Variants in USP50 observed in about 807,000 individuals in gnomAD.
The protein encoded by USP50 is ubiquitin carboxyl-terminal hydrolase 50.
A neutral mutation model predicts 39.2 loss-of-function variants in USP50; 37 were observed. The observed-to-expected ratio is 0.94, with a 90% CI of 0.73 to 1.24. USP50 has a LOEUF of 1.24. Among genes scored for constraint, USP50 ranks in the 50% most tolerant of loss-of-function variants. The pLI is 0.00. For synonymous variants in USP50, 139 were observed against 144.5 expected (o/e 0.96, Z 0.27); for missense variants, 374 against 398.2 (o/e 0.94, Z 0.52).
At chr15:50,493,819 C>A, downstream of USP50, 1 of 628,554 alleles carries the variant, frequency 1.6e-6, no homozygotes, top group Non-Finnish European at 2.9e-6. Flanking sequence ...GGCAGAACCT[C>A]GCTGTCATGA....
At chr15:50,543,066 C>T (rs568825490) in intron 3 of USP50, among the ~76,000 whole-genome samples, 9 of 152,060 alleles carry the variant, frequency 5.9e-5, no homozygotes, top group Non-Finnish European at 1.0e-4. Context: ...TGTCCTAATT[C>T]GGTGATGAAC....
chr15:50,509,988 T>C (rs1028792576), intron 6 of USP50: 6 of 152,114 alleles, frequency 3.9e-5, no homozygotes, highest in African/African-American at 4.8e-5. Context: ...TCAATGTTTA[T>C]TTCAAAGCTA....
At chr15:50,530,953 TTAA>T (rs2052935908) in intron 5 of USP50, among the ~76,000 whole-genome samples, 1 of 152,196 alleles carries the variant, frequency 6.6e-6, no homozygotes, top group Non-Finnish European at 1.5e-5. Flanking sequence ...TTGTTTTTTT[TTAA>T]TGTTTTAATA....
rs778812970 is a variant in USP50 at position 50,500,749 on chromosome 15, C to T, written c.*20G>A. ...AGAAGTATCTGGAATCTCACTGACT[C>T]GTGTGTTATCAAAGCTATATCAGGC... On this transcript the variant is annotated 3_prime_UTR_variant, in exon 7 of 7. Coordinates refer to ENST00000532404, the MANE Select transcript of USP50 (RefSeq NM_203494.5). The T allele has an allele frequency of 1.4e-5, 22 of 1,574,544 alleles. No individual in the cohort carries two copies. In the Admixed American group the frequency reaches 1.5e-4, roughly 11 times the overall value.
chr15:50,532,874 C>T (rs139167737), intron 5 of USP50, among the ~76,000 whole-genome samples: 4 of 152,240 alleles, frequency 2.6e-5, no homozygotes, highest in African/African-American at 9.6e-5. Context: ...CTTTTAACTA[C>T]TAGAGGAAAA....
chr15:50,497,368 A>G, downstream of USP50: 2 of 1,091,602 alleles, frequency 1.8e-6, no homozygotes, highest in Non-Finnish European at 2.5e-6. Context: ...AGATCTAGGG[A>G]AATAAAGCAG....
chr15:50,511,456 G>C (rs1248007000), intron 6 of USP50: 2 of 152,110 alleles, frequency 1.3e-5, no homozygotes, highest in African/African-American at 4.8e-5. Flanking sequence ...CATGTTTACA[G>C]AAAATCCTGT....
intron 4 of USP50, among the ~76,000 whole-genome samples, chr15:50,540,312 A>T (rs2141378985): frequency 6.6e-6 from 1 of 152,250 alleles, no homozygotes; most frequent in Middle Eastern, 3.4e-3. Context: ...TTTCCAAAAC[A>T]TTTCACAACT....
chr15:50,500,565 G>A lies in USP50; in HGVS notation c.*204C>T. On this transcript the variant is annotated 3_prime_UTR_variant, in exon 7 of 7. Coordinates refer to ENST00000532404, the MANE Select transcript of USP50 (RefSeq NM_203494.5). The stretch of plus-strand genomic sequence containing the variant: ...ATAAAAATGTTAATGATGCAAGTAA[G>A]TTCTAAGAGTTTAATGACCAAGCAA... 1 of 518,962 alleles carries A rather than the reference G, an allele frequency of 1.9e-6. No homozygotes were observed. Among genetic ancestry groups the A allele is most frequent in the Non-Finnish European group, 3.5e-6 (1 of 285,908 alleles). 32.1% of individuals were successfully genotyped at this position (518,962 alleles called of 1,614,324 possible).
At chr15:50,494,012 C>A, downstream of USP50, 1 of 1,568,008 alleles carries the variant, frequency 6.4e-7, no homozygotes, top group South Asian at 1.1e-5. Context: ...ATCTACTGTA[C>A]CTTGCTTAAC....
chr15:50,498,875 A>AT (rs199819722), downstream of USP50: 17,659 of 1,558,818 alleles, frequency 0.011, 116 homozygotes, highest in African/African-American at 0.017. Context: ...AACTGAATTG[A>AT]TTTTTTTTTC....
chr15:50,496,251 G>C (rs947785398), downstream of USP50, among the ~76,000 whole-genome samples: 1 of 152,104 alleles, frequency 6.6e-6, no homozygotes, highest in Non-Finnish European at 1.5e-5. Context: ...GGAGGCCGAG[G>C]TGGGCGGATC....
At chr15:50,504,566 T>C (rs1303451305) in intron 6 of USP50, 8 of 152,212 alleles carry the variant, frequency 5.3e-5, no homozygotes, top group African/African-American at 9.7e-5. Context: ...CCATTTTATA[T>C]AGGGCCCTTG....
chr15:50,529,365 A>AAT (rs2141370671), intron 6 of USP50, among the ~76,000 whole-genome samples: 1 of 150,112 alleles, frequency 6.7e-6, no homozygotes, highest in Non-Finnish European at 1.5e-5. Flanking sequence ...AAAAAAAAAA[A>AAT]AAATTGGTGG....
chr15:50,514,583 G>C (rs1431473819), intron 6 of USP50, among the ~76,000 whole-genome samples: 1 of 152,128 alleles, frequency 6.6e-6, no homozygotes, highest in Non-Finnish European at 1.5e-5. Flanking sequence ...CCAGGCTGGA[G>C]TGCAGCGGCG....
intron 4 of USP50, among the ~76,000 whole-genome samples, chr15:50,540,822 C>G (rs531281745): frequency 6.6e-6 from 1 of 152,106 alleles, no homozygotes; most frequent in Admixed American, 6.6e-5. Flanking sequence ...CAGGGTTTCA[C>G]CATGTTGGCC....
chr15:50,545,839 A>G (rs772176148), intron 1 of USP50, among the ~76,000 whole-genome samples: 5 of 151,892 alleles, frequency 3.3e-5, no homozygotes, highest in Non-Finnish European at 5.9e-5. Flanking sequence ...AATAGGAATA[A>G]TATCATCTGC....
At chr15:50,497,309 G>T (rs1003509000), downstream of USP50, 34 of 1,500,832 alleles carry the variant, frequency 2.3e-5, no homozygotes, top group Non-Finnish European at 2.9e-5. Flanking sequence ...TATACTTGTT[G>T]TACTGCCTGC....
chr15:50,508,573 A>G (rs573662626), intron 6 of USP50: 3 of 152,354 alleles, frequency 2.0e-5, no homozygotes, highest in East Asian at 1.9e-4. Context: ...ACATTAAAAC[A>G]TAACAGAATA....
Sources: gnomAD v4.1 joint callset for allele counts (sites outside exome capture counted in the v4.1 genomes callset) on GRCh38, gnomAD v4.1.1 for gene constraint, MANE v1.5 for transcripts, NCBI Gene and HGNC (gene_info 2026-07-23, HGNC 2026-07-21) for gene names.